Variants in ROBO1 observed in about 807,000 individuals in gnomAD.
The protein encoded by ROBO1 is roundabout homolog 1.
ROBO1 carries 149 observed loss-of-function variants against 195.9 expected under a neutral mutation model. That is an observed-to-expected ratio of 0.76 (90% CI 0.67 to 0.87). The LOEUF (loss-of-function observed/expected upper bound fraction) is 0.87. Among genes scored for constraint, ROBO1 ranks in the 40% least tolerant of loss-of-function variants. ROBO1 has a pLI of 0.00. For synonymous variants in ROBO1, 816 were observed against 733.2 expected (o/e 1.11, Z -1.82); for missense variants, 1,933 against 2,068.3 (o/e 0.93, Z 1.27).
intron 2 of ROBO1, among the ~76,000 whole-genome samples, chr3:79,576,983 A>G (rs530787226): frequency 6.6e-6 from 1 of 151,482 alleles, no homozygotes; most frequent in East Asian, 1.9e-4. Context: ...TCCTCATCAA[A>G]CTCCTTGTTT....
rs1167645958 is a variant in ROBO1, at chr3:78,639,881, A to C, written c.2900T>G (p.Ile967Ser). ...SSGGRPGLLNISEPAAQPWLA... is the reference protein window; with the variant it reads ...SSGGRPGLLNSSEPAAQPWLA... ...CCATGGCTGCGCGGCAGGTTCACTG[A>C]TGTTGAGAAGTCCAGGCCTAAATAA... Residue 967 changes from isoleucine (I) to serine (S), a missense_variant, in exon 22 of 31, where the codon ATC becomes AGC. Ile to Ser is a moderately radical substitution (Grantham distance 142). Transcript: ENST00000464233. The C allele has an allele frequency of 1.2e-6, 2 of 1,602,932 alleles. No homozygotes were observed. Among genetic ancestry groups the C allele is most frequent in the Non-Finnish European group, 1.7e-6 (2 of 1,173,446 alleles).
chr3:79,664,167 C>G (rs1191200202), intron 1 of ROBO1, among the ~76,000 whole-genome samples: 2 of 152,004 alleles, frequency 1.3e-5, no homozygotes, highest in Non-Finnish European at 2.9e-5. Context: ...TTTAATGTGT[C>G]TTTCCTCTAT....
intron 2 of ROBO1, among the ~76,000 whole-genome samples, chr3:79,411,390 A>G (rs1473336288): frequency 6.6e-6 from 1 of 152,180 alleles, no homozygotes; most frequent in Non-Finnish European, 1.5e-5. Flanking sequence ...AAAGTGAATA[A>G]ACAAGTTAGT....
chr3:78,946,587 A>C (rs182794968), intron 3 of ROBO1, among the ~76,000 whole-genome samples: 1 of 152,366 alleles, frequency 6.6e-6, no homozygotes, highest in African/African-American at 2.4e-5. Context: ...TGTAAAGACC[A>C]TCAAGGCTAG....
At chr3:79,254,951 G>A (rs1484507128) in intron 2 of ROBO1, among the ~76,000 whole-genome samples, 2 of 152,098 alleles carry the variant, frequency 1.3e-5, no homozygotes, top group Non-Finnish European at 2.9e-5. Context: ...ATGAGCAAAT[G>A]ATCATCAAAT....
chr3:78,882,607 C>T (rs1267164649), intron 4 of ROBO1, among the ~76,000 whole-genome samples: 1 of 152,122 alleles, frequency 6.6e-6, no homozygotes, highest in Non-Finnish European at 1.5e-5. Context: ...TATCCTCTTT[C>T]CACATTTTCC....
At chr3:78,940,257 G>A (rs1282898983) in intron 3 of ROBO1, among the ~76,000 whole-genome samples, 1 of 151,886 alleles carries the variant, frequency 6.6e-6, no homozygotes, top group Non-Finnish European at 1.5e-5. Flanking sequence ...TATATAACCA[G>A]CTACCATCAC....
chr3:79,038,185 T>C lies in ROBO1; in HGVS notation c.172+87271A>G, dbSNP rs113197913. On this transcript the variant is annotated intron_variant, in intron 3 of 30. Coordinates refer to ENST00000464233, the MANE Select transcript of ROBO1 (RefSeq NM_002941.4). Reference sequence around the variant, plus strand: ...TAAAACCAAGTTTAGTAGAGTCTCATCTCTGTTATAGTGATTTGTGGTATA... The same window carrying C: ...TAAAACCAAGTTTAGTAGAGTCTCACCTCTGTTATAGTGATTTGTGGTATA... Among the ~76,000 whole-genome samples, 93 of 152,306 alleles carry C rather than the reference T, an allele frequency of 6.1e-4. 1 individual carries two copies. The highest frequency in any genetic ancestry group is 2.1e-3 in the African/African-American group (88 of 41,568).
chr3:78,693,178 A>C, intron 8 of ROBO1: 1 of 804,812 alleles, frequency 1.2e-6, no homozygotes, highest in South Asian at 2.1e-5. Flanking sequence ...ACAGTTACCC[A>C]TACTTCCTGC....
Position 78,662,064 on chromosome 3 carries a change from G to C in ROBO1, c.2017C>G (p.Leu673Val), listed in dbSNP as rs758132444. ...GVDHKQVQRE[L>V]GNAVLHLHNP... The stretch of plus-strand genomic sequence containing the variant: ...TGGAGGTGCAGAACAGCATTTCCCA[G>C]CTCTCTCTGGACCTGCTTGTGGTCC... The change falls in exon 15 of 31, where the codon CTG (leucine) becomes GTG (valine). Residue 673 changes from leucine to valine, a missense_variant. Leu to Val is a conservative substitution (Grantham distance 32). Around this residue, in one of 3 missense-constraint regions of ROBO1, gnomAD observed 1,737 missense variants for 1,882.5 expected, o/e 0.92. Transcript: ENST00000464233. The C allele has an allele frequency of 1.2e-5, 19 of 1,588,134 alleles. No individual in the cohort carries two copies. The highest frequency in any genetic ancestry group is 8.6e-7 in the Non-Finnish European group (1 of 1,166,524).
In ROBO1 at chr3:78,714,490, T is replaced by C; in HGVS notation, c.952A>G (p.Arg318Gly). The change falls in exon 8 of 31, where the codon AGG becomes GGG. Residue 318 changes from arginine (R) to glycine (G), a missense_variant. By Grantham distance (125) the Arg-to-Gly change is moderately radical (BLOSUM62 -2). Coordinates refer to ENST00000464233, the MANE Select transcript of ROBO1 (RefSeq NM_002941.4). ...EIRDDHTLKI[R>G]KVTAGDMGSY... Reference sequence around the variant, plus strand: ...CCCATGTCACCAGCTGTCACCTTCCTAATTTTCAAGGTATGATCATCTCGG... The same window carrying C: ...CCCATGTCACCAGCTGTCACCTTCCCAATTTTCAAGGTATGATCATCTCGG... 3 of 1,612,562 alleles carry C rather than the reference T, an allele frequency of 1.9e-6. No homozygotes were observed. The highest frequency in any genetic ancestry group is 2.5e-6 in the Non-Finnish European group (3 of 1,179,250).
chr3:79,637,065 A>G (rs913740905), intron 1 of ROBO1, among the ~76,000 whole-genome samples: 1 of 152,154 alleles, frequency 6.6e-6, no homozygotes, highest in African/African-American at 2.4e-5. Flanking sequence ...AAATTCAATC[A>G]CACTAATTTC....
At chr3:79,669,821 C>T (rs1052173132) in intron 1 of ROBO1, among the ~76,000 whole-genome samples, 1 of 151,910 alleles carries the variant, frequency 6.6e-6, no homozygotes, top group African/African-American at 2.4e-5. Flanking sequence ...GAATGAAAGA[C>T]ATTTCCTAAA....
At chr3:79,642,966 T>C (rs972995838) in intron 1 of ROBO1, among the ~76,000 whole-genome samples, 1 of 152,010 alleles carries the variant, frequency 6.6e-6, no homozygotes, top group East Asian at 1.9e-4. Context: ...AGGATGCAAA[T>C]TATTGGTCCT....
chr3:79,410,130 A>G (rs1464631218), intron 2 of ROBO1, among the ~76,000 whole-genome samples: 1 of 152,174 alleles, frequency 6.6e-6, no homozygotes, highest in East Asian at 1.9e-4. Context: ...TAACGGAGTG[A>G]ATGTTTCTGA....
intron 3 of ROBO1, among the ~76,000 whole-genome samples, chr3:79,030,453 G>C (rs1270698900): frequency 6.6e-6 from 1 of 152,146 alleles, no homozygotes; most frequent in Non-Finnish European, 1.5e-5. Flanking sequence ...AATATACACT[G>C]GGGAATGTTT....
chr3:79,572,675 T>A (rs913926409), intron 2 of ROBO1, among the ~76,000 whole-genome samples: 3 of 152,130 alleles, frequency 2.0e-5, no homozygotes, highest in African/African-American at 7.2e-5. Flanking sequence ...AAACCATTTG[T>A]CAAGTTAAGG....
intron 1 of ROBO1, among the ~76,000 whole-genome samples, chr3:79,689,035 T>C (rs1947222625): frequency 6.6e-6 from 1 of 151,994 alleles, no homozygotes; most frequent in African/African-American, 2.4e-5. Flanking sequence ...ATTGTCAAGT[T>C]TCAATTTCCC....
chr3:79,574,809 A>C (rs894205872), intron 2 of ROBO1, among the ~76,000 whole-genome samples: 11 of 151,928 alleles, frequency 7.2e-5, no homozygotes, highest in Non-Finnish European at 1.6e-4. Flanking sequence ...ATCAAAGTGC[A>C]TTATGACATA....
Sources: allele counts gnomAD v4.1 joint callset (sites outside exome capture counted in the v4.1 genomes callset), GRCh38; gene constraint gnomAD v4.1.1; regional missense constraint gnomAD v4.1.1; transcripts MANE v1.5; gene names NCBI Gene and HGNC (gene_info 2026-07-23, HGNC 2026-07-21).